Variants in CPED1 observed in about 807,000 individuals in gnomAD.
CPED1 encodes cadherin like and PC-esterase domain containing 1.
Under a neutral mutation model 128.2 loss-of-function variants are expected in CPED1, and 114 were observed. The observed-to-expected ratio is 0.89, with a 90% CI of 0.76 to 1.04. The LOEUF (loss-of-function observed/expected upper bound fraction) is 1.04, where lower values mean the gene tolerates loss of function less well. Ranked by LOEUF, CPED1 falls within the 50% of genes least tolerant of loss-of-function variation. The probability of loss-of-function intolerance (pLI) is 0.00; values close to 1 mark genes in which losing one functional copy is unlikely to be tolerated. For missense variants in CPED1, 1,211 were observed against 1,207.1 expected (o/e 1.00, Z -0.05); for synonymous variants, 462 against 426.7 (o/e 1.08, Z -1.02).
chr7:121,276,491 C>T (rs542995278), intron 22 of CPED1, among the ~76,000 whole-genome samples: 2 of 152,062 alleles, frequency 1.3e-5, no homozygotes, highest in East Asian at 1.9e-4. Flanking sequence ...ATAAATATGA[C>T]GTACTCTATG....
chr7:121,029,252 C>A (rs1792671363), intron 3 of CPED1, among the ~76,000 whole-genome samples: 1 of 152,092 alleles, frequency 6.6e-6, no homozygotes, highest in Admixed American at 6.6e-5. Context: ...GGGTGAGAAT[C>A]ATTTCTAAAG....
Position 121,140,896 on chromosome 7 carries a change from A to T in CPED1, c.1769A>T (p.His590Leu). The T allele has an allele frequency of 4.3e-6, 7 of 1,612,524 alleles. No homozygotes were observed. Among genetic ancestry groups the T allele is most frequent in the Non-Finnish European group, 5.9e-6 (7 of 1,179,044 alleles). ...HPHLELNPDF[H>L]PKIKDYYCEV... Reference sequence around the variant, plus strand: ...CATTTGGAACTAAATCCTGACTTTCATCCAAAGATCAAAGATTATTACTGT... The same window carrying T: ...CATTTGGAACTAAATCCTGACTTTCTTCCAAAGATCAAAGATTATTACTGT... Residue 590 changes from histidine to leucine, a missense_variant, in exon 15 of 23, where the codon CAT (histidine) becomes CTT (leucine). Physicochemically the swap from His to Leu is moderately conservative, Grantham distance 99. Transcript: ENST00000310396.
At chr7:121,095,156 G>A (rs544416558) in intron 5 of CPED1, among the ~76,000 whole-genome samples, 34 of 152,216 alleles carry the variant, frequency 2.2e-4, no homozygotes, top group African/African-American at 7.5e-4. Context: ...ACAGAAGGTC[G>A]TTTGAGCATT....
At chr7:121,153,778 G>A (rs987803400) in intron 16 of CPED1, among the ~76,000 whole-genome samples, 1 of 147,264 alleles carries the variant, frequency 6.8e-6, no homozygotes, top group Non-Finnish European at 1.5e-5. Flanking sequence ...TTACATGGGT[G>A]TAGTTATAAG....
chr7:121,104,295 C>A (rs1195776293), intron 7 of CPED1, among the ~76,000 whole-genome samples: 1 of 152,092 alleles, frequency 6.6e-6, no homozygotes, highest in Non-Finnish European at 1.5e-5. Flanking sequence ...AAAATTCTTT[C>A]ACAAATATTC....
intron 5 of CPED1, among the ~76,000 whole-genome samples, chr7:121,077,164 T>C (rs2116117261): frequency 6.6e-6 from 1 of 152,256 alleles, no homozygotes; most frequent in African/African-American, 2.4e-5. Flanking sequence ...CAATCAGTGG[T>C]GGTGGGTATA....
intron 18 of CPED1, 76 bp from the exon 19 acceptor site, chr7:121,266,151 A>T: frequency 8.6e-7 from 1 of 1,164,644 alleles, no homozygotes; most frequent in African/African-American, 1.5e-5. Flanking sequence ...AATATTCAAA[A>T]TTTCATTATT....
chr7:121,229,301 G>C (rs1404684616), intron 16 of CPED1, among the ~76,000 whole-genome samples: 2 of 151,860 alleles, frequency 1.3e-5, no homozygotes, highest in Non-Finnish European at 2.9e-5. Context: ...AGCCTAAATA[G>C]CATAAATGGC....
chr7:121,026,182 C>CA (rs1460315717), intron 3 of CPED1, among the ~76,000 whole-genome samples: 5 of 151,958 alleles, frequency 3.3e-5, no homozygotes, highest in Admixed American at 2.0e-4. Flanking sequence ...GTATAACTGT[C>CA]AAAAAAACAA....
chr7:121,097,983 G>T (rs1239799141), intron 6 of CPED1, 152 bp downstream of exon 6: 3 of 719,824 alleles, frequency 4.2e-6, no homozygotes, highest in Non-Finnish European at 6.3e-6. Flanking sequence ...AATAAAGAAT[G>T]CCATCATTGA....
intron 2 of CPED1, among the ~76,000 whole-genome samples, chr7:120,993,462 A>G (rs943439529): frequency 2.0e-5 from 3 of 152,206 alleles, no homozygotes; most frequent in African/African-American, 7.2e-5. Context: ...TTCTCTTTAA[A>G]TGACCATTCT....
intron 12 of CPED1, among the ~76,000 whole-genome samples, chr7:121,130,870 C>A (rs1387137405): frequency 6.6e-6 from 1 of 152,010 alleles, no homozygotes; most frequent in Non-Finnish European, 1.5e-5. Flanking sequence ...ACCTTCACTT[C>A]CATTCTAATG....
intron 22 of CPED1, among the ~76,000 whole-genome samples, chr7:121,276,165 G>A (rs1424904381): frequency 2.6e-5 from 4 of 152,046 alleles, no homozygotes; most frequent in Non-Finnish European, 4.4e-5. Context: ...ACTCCCGTAA[G>A]TATCTCAAAA....
At chr7:121,118,517 A>G (rs798942) in intron 7 of CPED1, among the ~76,000 whole-genome samples, 133,925 of 149,268 alleles carry the variant, frequency 0.9, 60,139 homozygotes, top group Middle Eastern at 0.99. Flanking sequence ...CTGAGATCAC[A>G]CCACTGTACT....
intron 4 of CPED1, among the ~76,000 whole-genome samples, chr7:121,052,184 C>G (rs972101220): frequency 3.3e-5 from 5 of 152,156 alleles, no homozygotes; most frequent in Non-Finnish European, 7.3e-5. Flanking sequence ...TGCAAAATCT[C>G]TCCCCACAGC....
At chr7:121,038,568 C>T (rs918393385) in intron 3 of CPED1, among the ~76,000 whole-genome samples, 8 of 152,034 alleles carry the variant, frequency 5.3e-5, no homozygotes, top group Non-Finnish European at 1.0e-4. Context: ...CATCTTGTTT[C>T]TTCTGGAGAA....
intron 16 of CPED1, among the ~76,000 whole-genome samples, chr7:121,216,414 G>A (rs1488881975): frequency 1.3e-5 from 2 of 151,956 alleles, no homozygotes; most frequent in Non-Finnish European, 2.9e-5. Context: ...TGGTTGCAGG[G>A]CCACACATAT....
intron 5 of CPED1, among the ~76,000 whole-genome samples, chr7:121,064,522 A>T (rs1793776397): frequency 6.6e-6 from 1 of 152,158 alleles, no homozygotes; most frequent in South Asian, 2.1e-4. Flanking sequence ...GTGTTCTTTT[A>T]GTTTTGCCTT....
intron 5 of CPED1, among the ~76,000 whole-genome samples, chr7:121,093,047 C>T (rs1273339597): frequency 6.6e-6 from 1 of 152,114 alleles, no homozygotes; most frequent in East Asian, 1.9e-4. Flanking sequence ...TCTCTTCTAG[C>T]AACTGGCACA....
Sources: gnomAD v4.1 joint callset for allele counts (sites outside exome capture counted in the v4.1 genomes callset) on GRCh38, gnomAD v4.1.1 for gene constraint, MANE v1.5 for transcripts, NCBI Gene and HGNC (gene_info 2026-07-23, HGNC 2026-07-21) for gene names.